Variants in SLC5A4 observed in about 807,000 individuals in gnomAD.
The protein encoded by SLC5A4 is solute carrier family 5 member 4.
Under a neutral mutation model 70.3 loss-of-function variants are expected in SLC5A4, and 55 were observed. The observed-to-expected ratio is 0.78, with a 90% CI of 0.63 to 0.98. The LOEUF (loss-of-function observed/expected upper bound fraction) is 0.98. Among genes scored for constraint, SLC5A4 ranks in the 50% least tolerant of loss-of-function variants. The probability of loss-of-function intolerance (pLI) is 0.00; values close to 1 mark genes in which losing one functional copy is unlikely to be tolerated. For synonymous variants in SLC5A4, 268 were observed against 305.7 expected, an observed-to-expected ratio of 0.88 and a Z score of 1.29; for missense variants, 735 against 839.2, an observed-to-expected ratio of 0.88 and a Z score of 1.53.
chr22:32,229,382 T>C (rs775299064), intron 10 of SLC5A4, 38 bp from the exon 11 acceptor site: 3 of 1,603,906 alleles, frequency 1.9e-6, no homozygotes, highest in Non-Finnish European at 2.6e-6. Context: ...GGTTAGTGGC[T>C]GGACACTGCC....
rs1013478315 is a variant in SLC5A4 at position 32,225,838 on chromosome 22, A to G, written c.1281-15T>C. 2 of 1,570,046 alleles carry G rather than the reference A, an allele frequency of 1.3e-6. No homozygotes were observed. The highest frequency in any genetic ancestry group is 1.4e-5 in the African/African-American group (1 of 73,294). ...GAACAAATATCCTGAGAAGAAAACA[A>G]CATAATTTAAACATTAAACAAAAGC... On this transcript the variant is annotated splice_polypyrimidine_tract_variant and intron_variant, in intron 11 of 14. Transcript: ENST00000266086.
chr22:32,272,155 G>A, the SLC5A4 span: 12 of 706,448 alleles, frequency 1.7e-5, no homozygotes, highest in Middle Eastern at 2.4e-4. Flanking sequence ...CAAAGGCTAC[G>A]CGTGGCCGCC....
chr22:32,294,277 C>G, the SLC5A4 span, among the ~76,000 whole-genome samples: 2 of 152,136 alleles, frequency 1.3e-5, no homozygotes, highest in African/African-American at 4.8e-5. Flanking sequence ...TGGATGTTTT[C>G]TTGTGACATA....
rs956255284 is a variant in SLC5A4, at chr22:32,218,605, G to A, written c.1889C>T (p.Thr630Met). The A allele has an allele frequency of 6.2e-7, 1 of 1,613,340 alleles. No homozygotes were observed. Among genetic ancestry groups the A allele is most frequent in the East Asian group, 2.2e-5 (1 of 44,864 alleles). Residue 630 changes from threonine to methionine, a missense_variant, in exon 15 of 15, where the codon ACG (threonine) becomes ATG (methionine). Coordinates refer to ENST00000266086, the MANE Select transcript of SLC5A4 (RefSeq NM_014227.3). The stretch of plus-strand genomic sequence containing the variant: ...TGTCCTCCACGAGGGCCTCTCAGAC[G>A]TGTCTGTGAGCTTCTTGCTCAAGGC... Reference protein sequence around the residue: ...EEALSKKLTDTSERPSWRTIV... With the variant: ...EEALSKKLTDMSERPSWRTIV...
chr22:32,224,180 A>G, intron 13 of SLC5A4, 87 bp downstream of exon 13: 1 of 1,031,512 alleles, frequency 9.7e-7, no homozygotes, highest in Non-Finnish European at 1.5e-6. Flanking sequence ...TTGGCCTCCC[A>G]AAGTGCTGGG....
chr22:32,242,383 G>A (rs1926581730), intron 5 of SLC5A4, among the ~76,000 whole-genome samples: 1 of 152,128 alleles, frequency 6.6e-6, no homozygotes, highest in Admixed American at 6.5e-5. Flanking sequence ...AATCCAGTTT[G>A]AGGAACTCTC....
At chr22:32,242,852 C>G (rs1926617732) in intron 5 of SLC5A4, among the ~76,000 whole-genome samples, 1 of 152,154 alleles carries the variant, frequency 6.6e-6, no homozygotes, top group Non-Finnish European at 1.5e-5. Context: ...TGTCTGGGAA[C>G]TGTGGAAGGA....
chr22:32,338,086 C>CT, the SLC5A4 span, among the ~76,000 whole-genome samples: 1 of 151,142 alleles, frequency 6.6e-6, no homozygotes, highest in African/African-American at 2.5e-5. Context: ...AAATACAACT[C>CT]TTAAATCAGC....
At chr22:32,332,103 C>G in the SLC5A4 span, among the ~76,000 whole-genome samples, 1 of 152,118 alleles carries the variant, frequency 6.6e-6, no homozygotes, top group Non-Finnish European at 1.5e-5. Flanking sequence ...CCACCACCCT[C>G]GGCCAAGCCG....
At chr22:32,353,500 G>A in the SLC5A4 span, among the ~76,000 whole-genome samples, 2 of 152,154 alleles carry the variant, frequency 1.3e-5, no homozygotes, top group South Asian at 2.1e-4. Context: ...AGGAGGAGAT[G>A]GCCCTCTAGA....
At chr22:32,220,813 ATCTAAC>A in intron 14 of SLC5A4, 101 bp downstream of exon 14, 3 of 788,228 alleles carry the variant, frequency 3.8e-6, no homozygotes, top group Non-Finnish European at 6.7e-6. Flanking sequence ...TTTGTCATAA[ATCTAAC>A]AGCCTTTTCG....
chr22:32,261,379 C>T, the SLC5A4 span, among the ~76,000 whole-genome samples: 522 of 152,326 alleles, frequency 3.4e-3, no homozygotes, highest in African/African-American at 0.012. Context: ...TCTCTGCAGC[C>T]CCTAGAGCAA....
chr22:32,329,764 TGGG>T, the SLC5A4 span, among the ~76,000 whole-genome samples: 1 of 42,594 alleles, frequency 2.3e-5, no homozygotes, highest in Non-Finnish European at 4.4e-5. Context: ...GTGTGTGTGT[TGGG>T]GGCTCTGGTG....
the SLC5A4 span, among the ~76,000 whole-genome samples, chr22:32,333,977 C>T: frequency 6.8e-6 from 1 of 147,314 alleles, no homozygotes; most frequent in African/African-American, 2.5e-5. Flanking sequence ...TATACACACA[C>T]ACCATGCAAC....
chr22:32,234,958 C>G lies in SLC5A4; in HGVS notation c.800G>C (p.Arg267Pro), dbSNP rs775781003. The G allele has an allele frequency of 6.2e-7, 1 of 1,613,134 alleles. No homozygotes were observed. The highest frequency in any genetic ancestry group is 8.5e-7 in the Non-Finnish European group (1 of 1,179,990). Residue 267 changes from arginine to proline, a missense_variant, in exon 8 of 15, where the codon CGA becomes CCA. Transcript: ENST00000266086. Reference protein sequence around the residue: ...TPRADSFHIFRDAVTGDIPWP... With the variant: ...TPRADSFHIFPDAVTGDIPWP... ...TGGAATGTCCCCAGTCACAGCATCT[C>G]GGAAGATGTGGAAGGAGTCCGCCCG... is the stretch of plus-strand genomic sequence containing the variant.
the SLC5A4 span, among the ~76,000 whole-genome samples, chr22:32,330,842 TGG>T: frequency 1.1e-5 from 1 of 88,782 alleles, no homozygotes; most frequent in African/African-American, 4.4e-5. Flanking sequence ...GTGTGTGTGT[TGG>T]GGGCTCTGGT....
At position 32,230,991 on chromosome 22, in the gene SLC5A4, A is replaced by C; in HGVS notation, c.1106T>G (p.Met369Arg). The part of the protein sequence containing the change: ...VGCTNYAYPT[M>R]VLELMPQGLR... ...ACCTTGGGGCATCAGTTCCAGCACCATCGTGGGGTATGCGTAGTTGGTGCA... is the reference window on the plus strand; with the variant it reads ...ACCTTGGGGCATCAGTTCCAGCACCCTCGTGGGGTATGCGTAGTTGGTGCA... The change falls in exon 10 of 15, where the codon ATG becomes AGG. Residue 369 changes from methionine to arginine, a missense_variant. Physicochemically the swap from Met to Arg is moderately conservative, Grantham distance 91. Coordinates refer to ENST00000266086, the MANE Select transcript of SLC5A4 (RefSeq NM_014227.3). 1 of 1,613,708 alleles carries C rather than the reference A, an allele frequency of 6.2e-7. No homozygotes were observed.
At chr22:32,318,831 C>G in the SLC5A4 span, among the ~76,000 whole-genome samples, 1 of 152,196 alleles carries the variant, frequency 6.6e-6, no homozygotes, top group African/African-American at 2.4e-5. Context: ...CTGTCCTATT[C>G]CTCACTCTTT....
chr22:32,235,555 T>C (rs1239472717), intron 7 of SLC5A4, among the ~76,000 whole-genome samples: 2 of 152,134 alleles, frequency 1.3e-5, no homozygotes, highest in African/African-American at 4.8e-5. Flanking sequence ...TGATCTTACT[T>C]GCAATCTGGT....
Sources: allele counts gnomAD v4.1 joint callset (sites outside exome capture counted in the v4.1 genomes callset), GRCh38; gene constraint gnomAD v4.1.1; transcripts MANE v1.5; gene names NCBI Gene and HGNC (gene_info 2026-07-23, HGNC 2026-07-21).